ALPG: variants seen among roughly 807,000 people sequenced by gnomAD.
ALPG encodes the protein alkaline phosphatase, germ cell.
A neutral mutation model predicts 48.6 loss-of-function variants in ALPG; 32 were observed. The observed-to-expected ratio is 0.66, with a 90% CI of 0.50 to 0.88. The LOEUF (loss-of-function observed/expected upper bound fraction) is 0.88, where lower values mean the gene tolerates loss of function less well. Among genes scored for constraint, ALPG ranks in the 40% least tolerant of loss-of-function variants. ALPG has a pLI of 0.00. For synonymous variants in ALPG, 244 were observed against 308.9 expected (o/e 0.79, Z 2.20); for missense variants, 533 against 718.1 (o/e 0.74, Z 2.95).
rs1333334519 is a variant in ALPG at position 232,409,883 on chromosome 2, C to T, written c.*11C>T. On this transcript the variant is annotated 3_prime_UTR_variant, in exon 11 of 11. Transcript: ENST00000295453. ...GCCACTGCTCCCTGAGTGTCCCGTCCCTGGGGCTCCTGCTTCCCCATCCCG... is the reference window on the plus strand; with the variant it reads ...GCCACTGCTCCCTGAGTGTCCCGTCTCTGGGGCTCCTGCTTCCCCATCCCG... 6.5e-7 allele frequency: 1 copy of T among 1,537,364 alleles called. No homozygotes were observed. The highest frequency in any genetic ancestry group is 1.2e-5 in the South Asian group (1 of 81,646).
rs1344594489 is a variant in ALPG, at chr2:232,409,977, G to GC, written c.*107dup. ...ACCTGGAGCTGTCACCCCCGGAGTC[G>GC]CCACACAGACGTCCTGCCATGGAAC... is the stretch of plus-strand genomic sequence containing the variant. On this transcript the variant is annotated 3_prime_UTR_variant, in exon 11 of 11. Coordinates refer to ENST00000295453, the MANE Select transcript of ALPG (RefSeq NM_031313.3). The GC allele has an allele frequency of 4.2e-6, 6 of 1,433,622 alleles. No homozygotes were observed. The highest frequency in any genetic ancestry group is 5.5e-6 in the Non-Finnish European group (6 of 1,093,052). 88.8% of individuals were successfully genotyped at this position (1,433,622 alleles called of 1,614,324 possible). A position where few individuals can be genotyped will look rare whatever the true frequency, so the allele number is the denominator to read the frequency against.
In ALPG at chr2:232,409,684, G is replaced by C. The variant is rs1697154326; in HGVS notation, c.1411G>C (p.Val471Leu). The C allele has an allele frequency of 1.2e-6, 2 of 1,611,384 alleles. No individual in the cohort carries two copies. The highest frequency in any genetic ancestry group is 1.7e-6 in the Non-Finnish European group (2 of 1,179,198). ...RGPQAHLVHG[V>L]QEQTFIAHVM... is the part of the protein sequence containing the mutation. ...CCCGCAGGCGCACCTGGTTCACGGC[G>C]TGCAGGAGCAGACCTTCATAGCGCA... Residue 471 changes from valine (V) to leucine (L), a missense_variant, in exon 11 of 11, where the codon GTG becomes CTG. Transcript: ENST00000295453.
Position 232,407,767 on chromosome 2 carries a change from A to G in ALPG, c.474A>G (p.Ala158=), listed in dbSNP as rs1417877704. 2.0e-5 allele frequency: 32 copies of G among 1,613,812 alleles called. No homozygotes were observed. The highest frequency in any genetic ancestry group is 2.7e-5 in the Non-Finnish European group (32 of 1,180,022). Residue 158 remains alanine, a splice_region_variant and synonymous_variant, in exon 4 of 11, where the codon GCA becomes GCG. Coordinates refer to ENST00000295453, the MANE Select transcript of ALPG (RefSeq NM_031313.3). ...VISVMNRAKK[A]GKSVGVVTTT... is the part of the protein sequence containing the mutation. ...CCGTGATGAATCGGGCCAAGAAAGCAGGTGAGCTGGGGCCCGCTGTGGGGT... is the reference window on the plus strand; with the variant it reads ...CCGTGATGAATCGGGCCAAGAAAGCGGGTGAGCTGGGGCCCGCTGTGGGGT...
In ALPG at chr2:232,408,930, T is replaced by TG; in HGVS notation, c.1001_1002insG (p.Ile334MetfsTer7). On this transcript the variant is annotated frameshift_variant, in exon 9 of 11. Coordinates refer to ENST00000295453, the MANE Select transcript of ALPG (RefSeq NM_031313.3). LOFTEE classifies it high-confidence loss of function. Reference sequence around the variant, plus strand: ...TCTGGCCTTCCTGCAGGTGGTCGCATCGACCATGGTCATCATGAAAGCAGG... The same window carrying TG: ...TCTGGCCTTCCTGCAGGTGGTCGCATGCGACCATGGTCATCATGAAAGCAGG... The TG allele has an allele frequency of 2.1e-6, 2 of 974,728 alleles. No individual in the cohort carries two copies. Among genetic ancestry groups the TG allele is most frequent in the Non-Finnish European group, 3.0e-6 (2 of 677,170 alleles). The allele number at this position is 974,728 out of a possible 1,614,324, so 60.4% of individuals were successfully genotyped here.
In ALPG at chr2:232,407,164, C is replaced by A; in HGVS notation, c.175C>A (p.Leu59Met). 6.2e-7 allele frequency: 1 copy of A among 1,614,002 alleles called. No homozygotes were observed. The highest frequency in any genetic ancestry group is 8.5e-7 in the Non-Finnish European group (1 of 1,180,012). The change falls in exon 2 of 11, where the codon CTG becomes ATG. Residue 59 changes from leucine (L) to methionine (M), a missense_variant. Around this residue, in one of 6 missense-constraint regions of ALPG, gnomAD observed 315 missense variants for 305.8 expected, o/e 1.03. Transcript: ENST00000295453. Reference sequence around the variant, plus strand: ...AGCCGCCAAGAACCTCATCATCTTCCTGGGTGACGGTGAGTGAGCCAGGCC... The same window carrying A: ...AGCCGCCAAGAACCTCATCATCTTCATGGGTGACGGTGAGTGAGCCAGGCC... ...QTAAKNLIIF[L>M]GDGMGVSTVT...
rs930107221 is a variant in ALPG at position 232,410,003 on chromosome 2, C to G, written c.*131C>G. ...CCACACAGACGTCCTGCCATGGAAC[C>G]TTCCCCTCCCGGTGCACCCTGGGGA... On this transcript the variant is annotated 3_prime_UTR_variant, in exon 11 of 11. Coordinates refer to ENST00000295453, the MANE Select transcript of ALPG (RefSeq NM_031313.3). 2.2e-6 allele frequency: 3 copies of G among 1,346,920 alleles called. No homozygotes were observed. The Admixed American group carries it at 8.5e-5, about 38-fold the overall frequency. 83.4% of individuals were successfully genotyped at this position (1,346,920 alleles called of 1,614,324 possible). A position where few individuals can be genotyped will look rare whatever the true frequency, so the allele number is the denominator to read the frequency against.
Position 232,410,137 on chromosome 2 carries a change from AG to A in ALPG, c.*267del. Reference sequence around the variant, plus strand: ...GCAGCTGCCTGCATTTCAGGAAAAGAGGAGGCTCAGACCATCCAGCCCCCGC... The same window carrying A: ...GCAGCTGCCTGCATTTCAGGAAAAGAGAGGCTCAGACCATCCAGCCCCCGC... On this transcript the variant is annotated 3_prime_UTR_variant, in exon 11 of 11. Coordinates refer to ENST00000295453, the MANE Select transcript of ALPG (RefSeq NM_031313.3). 3 of 598,254 alleles carry A rather than the reference AG, an allele frequency of 5.0e-6. No homozygotes were observed. In the South Asian group the frequency reaches 6.3e-5, roughly 12 times the overall value. 37.1% of individuals were successfully genotyped at this position (598,254 alleles called of 1,614,324 possible). A position where few individuals can be genotyped will look rare whatever the true frequency, so the allele number is the denominator to read the frequency against.
chr2:232,407,033 G>C (rs761292639), intron 1 of ALPG, 24 bp from the exon 2 acceptor site: 11 of 1,613,680 alleles, frequency 6.8e-6, no homozygotes, highest in Non-Finnish European at 9.3e-6. Context: ...AGGCTGACCT[G>C]ATCTTTGCTC....
At chr2:232,407,017 C>T (rs770332763) in intron 1 of ALPG, 40 bp from the exon 2 acceptor site, 6 of 1,613,662 alleles carry the variant, frequency 3.7e-6, no homozygotes, top group Admixed American at 1.7e-5. Flanking sequence ...GGGCACCCCC[C>T]AGCCCAGGCT....
chr2:232,408,202 G>T (rs1697126110), intron 5 of ALPG, 65 bp from the exon 6 acceptor site: 2 of 1,602,910 alleles, frequency 1.2e-6, no homozygotes, highest in Admixed American at 3.4e-5. Flanking sequence ...CAGGGGCTGT[G>T]CATGAGGAGG....
In ALPG at chr2:232,410,199, C is replaced by T. The variant is rs951642802; in HGVS notation, c.*327C>T. On this transcript the variant is annotated 3_prime_UTR_variant, in exon 11 of 11. Transcript: ENST00000295453. ...AGGTGGATCAGGCAGGCTCTCTCCC[C>T]GGGGACATGAGGCACCCATACCTAG... is the stretch of plus-strand genomic sequence containing the variant. 10 of 441,910 alleles carry T rather than the reference C, an allele frequency of 2.3e-5. No individual in the cohort carries two copies. The highest frequency in any genetic ancestry group is 1.8e-4 in the African/African-American group (9 of 48,776). 27.4% of individuals were successfully genotyped at this position (441,910 alleles called of 1,614,324 possible).
chr2:232,410,087 TC>T lies in ALPG; in HGVS notation c.*217del. On this transcript the variant is annotated 3_prime_UTR_variant, in exon 11 of 11. Transcript: ENST00000295453. ...TTGCTCTTGAAATTTTGGCCCCAAC[TC>T]CAGGGACTGGGGATTTGTGCCTGGC... is the stretch of plus-strand genomic sequence containing the variant. 2 of 742,564 alleles carry T rather than the reference TC, an allele frequency of 2.7e-6. No individual in the cohort carries two copies. Among genetic ancestry groups the T allele is most frequent in the Non-Finnish European group, 4.2e-6 (2 of 472,946 alleles). The allele number at this position is 742,564 out of a possible 1,614,324, so 46.0% of individuals were successfully genotyped here.
chr2:232,409,768 G>A lies in ALPG; in HGVS notation c.1495G>A (p.Ala499Thr), dbSNP rs1267000286. The A allele has an allele frequency of 1.9e-6, 3 of 1,606,774 alleles. No individual in the cohort carries two copies. Among genetic ancestry groups the A allele is most frequent in the South Asian group, 1.1e-5 (1 of 90,550 alleles). ...CACCGCCTGCGACCTGGCGCCCCGCGCCGGCACCACCGACGCCGCGCACCC... is the reference window on the plus strand; with the variant it reads ...CACCGCCTGCGACCTGGCGCCCCGCACCGGCACCACCGACGCCGCGCACCC... Reference protein sequence around the residue: ...PYTACDLAPRAGTTDAAHPGP... With the variant: ...PYTACDLAPRTGTTDAAHPGP... The change falls in exon 11 of 11, where the codon GCC (alanine) becomes ACC (threonine). Residue 499 changes from alanine to threonine, a missense_variant. Ala to Thr is a moderately conservative substitution (Grantham distance 58). Transcript: ENST00000295453.
Position 232,408,485 on chromosome 2 carries a change from C to G in ALPG, c.784-16C>G. 6.3e-7 allele frequency: 1 copy of G among 1,591,438 alleles called. No individual in the cohort carries two copies. The highest frequency in any genetic ancestry group is 2.2e-5 in the East Asian group (1 of 44,664). On this transcript the variant is annotated splice_polypyrimidine_tract_variant and intron_variant, in intron 6 of 10. Transcript: ENST00000295453. The stretch of plus-strand genomic sequence containing the variant: ...CGGGGCTGTGGGCTGAGGCCTGGCT[C>G]TCTCCCTCCCCGCAGGGTGCCCGGT...
Position 232,408,290 on chromosome 2 carries a change from G to T in ALPG, c.672G>T (p.Lys224Asn), listed in dbSNP as rs1426899929. The change falls in exon 6 of 11, where the codon AAG becomes AAT. Residue 224 changes from lysine (K) to asparagine (N), a missense_variant. By Grantham distance (94) the Lys-to-Asn change is moderately conservative (BLOSUM62 0). Transcript: ENST00000295453. ...DIDVILGGGR[K>N]YMFPMGTPDP... ...AGGTGATCCTAGGTGGAGGCCGAAAGTACATGTTTCCCATGGGGACCCCAG... is the reference window on the plus strand; with the variant it reads ...AGGTGATCCTAGGTGGAGGCCGAAATTACATGTTTCCCATGGGGACCCCAG... 9.3e-6 allele frequency: 15 copies of T among 1,613,640 alleles called. No homozygotes were observed. In the East Asian group the frequency reaches 3.3e-4, roughly 36 times the overall value.
rs764443675 is a variant in ALPG, at chr2:232,408,286, G to A, written c.668G>A (p.Arg223Gln). 1.7e-5 allele frequency: 27 copies of A among 1,613,692 alleles called. No homozygotes were observed. The African/African-American group carries it at 1.7e-4, about 10-fold the overall frequency. ...TCCCAGGTGATCCTAGGTGGAGGCC[G>A]AAAGTACATGTTTCCCATGGGGACC... The part of the protein sequence containing the change: ...MDIDVILGGG[R>Q]KYMFPMGTPD... The change falls in exon 6 of 11, where the codon CGA becomes CAA. Residue 223 changes from arginine (R) to glutamine (Q), a missense_variant. Arg to Gln is a conservative substitution (Grantham distance 43). Around this residue, in one of 6 missense-constraint regions of ALPG, gnomAD observed 315 missense variants for 305.8 expected, o/e 1.03. Transcript: ENST00000295453.
Position 232,406,863 on chromosome 2 carries a change from T to C in ALPG, c.-32T>C. On this transcript the variant is annotated 5_prime_UTR_variant, in exon 1 of 11. Transcript: ENST00000295453. Reference sequence around the variant, plus strand: ...CAGCTCATACTCCATACCTGGGATTTCCGCCTCGCCGCTCTCCGACTGCTT... The same window carrying C: ...CAGCTCATACTCCATACCTGGGATTCCCGCCTCGCCGCTCTCCGACTGCTT... The C allele has an allele frequency of 6.3e-7, 1 of 1,596,454 alleles. No homozygotes were observed. Among genetic ancestry groups the C allele is most frequent in the Non-Finnish European group, 8.5e-7 (1 of 1,172,520 alleles).
chr2:232,407,194 AG>A (rs746227250), intron 2 of ALPG, 21 bp downstream of exon 2: 1 of 1,613,932 alleles, frequency 6.2e-7, no homozygotes, highest in South Asian at 1.1e-5. Context: ...CAGGCCTTCC[AG>A]CCCCGCAGCC....
At position 232,409,850 on chromosome 2, in the gene ALPG, T is replaced by G. The variant is rs1317218429; in HGVS notation, c.1577T>G (p.Leu526Arg). 1.0e-5 allele frequency: 16 copies of G among 1,580,168 alleles called. No homozygotes were observed. Among genetic ancestry groups the G allele is most frequent in the Non-Finnish European group, 1.3e-5 (15 of 1,167,170 alleles). Residue 526 changes from leucine to arginine, a missense_variant, in exon 11 of 11, where the codon CTG becomes CGG. By Grantham distance (102) the Leu-to-Arg change is moderately radical. Coordinates refer to ENST00000295453, the MANE Select transcript of ALPG (RefSeq NM_031313.3). ...LPLLAGTLLL[L>R]GTATAP Reference sequence around the variant, plus strand: ...CTGCTGGCAGGGACCTTGCTGCTGCTGGGGACGGCCACTGCTCCCTGAGTG... The same window carrying G: ...CTGCTGGCAGGGACCTTGCTGCTGCGGGGGACGGCCACTGCTCCCTGAGTG...
Sources: gnomAD v4.1 joint callset for allele counts on GRCh38, gnomAD v4.1.1 for gene constraint, gnomAD v4.1.1 regional missense constraint, MANE v1.5 for transcripts, NCBI Gene and HGNC (gene_info 2026-07-23, HGNC 2026-07-21) for gene names.